CDH18: variants seen among roughly 807,000 people sequenced by gnomAD.
CDH18 encodes cadherin 18, also known as cadherin-18.
A neutral mutation model predicts 67.9 loss-of-function variants in CDH18; 31 were observed. The ratio of observed to expected loss-of-function variants is 0.46; its 90% confidence interval spans 0.34 to 0.62. The LOEUF is 0.62. CDH18 is among the 20% of genes least tolerant of loss of function. The pLI, the probability that CDH18 is intolerant of heterozygous loss-of-function variation, is 0.01. For missense variants in CDH18, 890 were observed against 975.5 expected (o/e 0.91, Z 1.17); for synonymous variants, 362 against 347.2 (o/e 1.04, Z -0.48).
chr5:20,447,378 T>TA (rs1363959860), intron 1 of CDH18, among the ~76,000 whole-genome samples: 1,611 of 137,780 alleles, frequency 0.012, 19 homozygotes, highest in African/African-American at 0.027. Flanking sequence ...AAAATCCTGA[T>TA]AAAAAAAAAA....
intron 1 of CDH18, among the ~76,000 whole-genome samples, chr5:20,505,185 T>C (rs1358857718): frequency 6.6e-6 from 1 of 152,144 alleles, no homozygotes; most frequent in African/African-American, 2.4e-5. Flanking sequence ...GTGGTATAAG[T>C]ACAGTCTGTT....
At chr5:19,847,736 TC>T (rs1783160811) in intron 2 of CDH18, among the ~76,000 whole-genome samples, 1 of 152,096 alleles carries the variant, frequency 6.6e-6, no homozygotes, top group African/African-American at 2.4e-5. Context: ...AGAAAGACTT[TC>T]TCCAACTAAA....
At chr5:20,526,591 C>T (rs1378624600) in intron 1 of CDH18, among the ~76,000 whole-genome samples, 6 of 152,066 alleles carry the variant, frequency 3.9e-5, no homozygotes, top group Admixed American at 1.3e-4. Flanking sequence ...TCTGCAGCCT[C>T]CACTGGTGAT....
chr5:20,044,426 A>C (rs2150478623), intron 2 of CDH18, among the ~76,000 whole-genome samples: 1 of 152,278 alleles, frequency 6.6e-6, no homozygotes, highest in African/African-American at 2.4e-5. Flanking sequence ...TCTCCTATAA[A>C]CATTCTAAGT....
intron 3 of CDH18, among the ~76,000 whole-genome samples, chr5:19,761,141 C>T (rs1171584998): frequency 6.6e-6 from 1 of 152,164 alleles, no homozygotes; most frequent in African/African-American, 2.4e-5. Flanking sequence ...TGCAGGTCAG[C>T]CACTCACATG....
chr5:19,702,548 C>T (rs1013050692), intron 5 of CDH18, among the ~76,000 whole-genome samples: 1 of 151,604 alleles, frequency 6.6e-6, no homozygotes, highest in Admixed American at 6.6e-5. Context: ...GGTTGATCAG[C>T]TGAGGTCAGG....
At chr5:20,183,529 A>C (rs1737861167) in intron 2 of CDH18, among the ~76,000 whole-genome samples, 3 of 152,126 alleles carry the variant, frequency 2.0e-5, no homozygotes, top group Admixed American at 2.0e-4. Context: ...TATAGCAGAA[A>C]AAAAGAAGAA....
Position 19,473,416 on chromosome 5 carries a change from C to A in CDH18, c.2183G>T (p.Ser728Ile). 3.1e-6 allele frequency: 5 copies of A among 1,613,738 alleles called. No homozygotes were observed. The highest frequency in any genetic ancestry group is 4.2e-6 in the Non-Finnish European group (5 of 1,179,814). ...CTGAAGAGAGTCATAAGGGGGAACG[C>A]TAGGGTCTAGGTCTGCTTCTGCCAG... is the stretch of plus-strand genomic sequence containing the variant. ...QRLAEADLDP[S>I]VPPYDSLQTY... The change falls in exon 13 of 13, where the codon AGC becomes ATC. Residue 728 changes from serine (S) to isoleucine (I), a missense_variant. Around this residue, in one of 2 missense-constraint regions of CDH18, gnomAD observed 656 missense variants for 668.1 expected, o/e 0.98. Coordinates refer to ENST00000382275, the MANE Select transcript of CDH18 (RefSeq NM_004934.5).
In CDH18 at chr5:20,441,129, TG is replaced by T. The variant is rs890460795; in HGVS notation, c.-580+134332del. On this transcript the variant is annotated intron_variant, in intron 1 of 14. Transcript: ENST00000507958. The stretch of plus-strand genomic sequence containing the variant: ...AGGGGCCGCCCAAGAACAGAATTTT[TG>T]TTTTTACAAAGTTGTTTGTTTCTCT... Among the ~76,000 whole-genome samples the T allele has an allele frequency of 4.4e-4, 66 of 151,504 alleles. 2 individuals carry two copies. Among genetic ancestry groups the T allele is most frequent in the African/African-American group, 1.3e-3 (55 of 41,162 alleles).
chr5:20,427,142 G>A (rs9292939), intron 1 of CDH18, among the ~76,000 whole-genome samples: 150,023 of 151,124 alleles, frequency 0.99, 74,537 homozygotes, highest in Middle Eastern at 1. Context: ...ATTACATTTC[G>A]TTTAATATTC....
At chr5:20,177,672 T>C (rs1737346579) in intron 2 of CDH18, among the ~76,000 whole-genome samples, 2 of 152,048 alleles carry the variant, frequency 1.3e-5, no homozygotes, top group Admixed American at 6.6e-5. Context: ...GGTTCGGCCA[T>C]GTCCCCACTC....
intron 2 of CDH18, among the ~76,000 whole-genome samples, chr5:20,009,393 T>G (rs563623460): frequency 6.6e-6 from 1 of 152,238 alleles, no homozygotes; most frequent in South Asian, 2.1e-4. Flanking sequence ...TGTACTATGT[T>G]TGCAGTATTT....
intron 1 of CDH18, among the ~76,000 whole-genome samples, chr5:20,327,015 C>T (rs906435386): frequency 2.6e-5 from 4 of 152,108 alleles, no homozygotes; most frequent in Admixed American, 6.5e-5. Flanking sequence ...ATTTACCACA[C>T]GGTTACATGT....
At position 20,312,834 on chromosome 5, in the gene CDH18, G is replaced by A. The variant is rs556346092; in HGVS notation, c.-579-57329C>T. 2.6e-5 allele frequency among the ~76,000 whole-genome samples: 4 copies of A among 151,976 alleles called. No individual in the cohort carries two copies. In the East Asian group the frequency reaches 7.7e-4, roughly 29 times the overall value. ...CCAAATCTGAAGGCTATTCACCATA[G>A]TTTTTCCTGTTTCTAAATTTAAGCC... On this transcript the variant is annotated intron_variant, in intron 1 of 14. Transcript: ENST00000507958.
intron 12 of CDH18, among the ~76,000 whole-genome samples, chr5:19,478,793 G>C (rs1738917509): frequency 6.6e-6 from 1 of 152,098 alleles, no homozygotes; most frequent in South Asian, 2.1e-4. Context: ...GTAAAGTTGG[G>C]AAATAAAAGT....
At chr5:19,591,365 G>A in intron 6 of CDH18, 121 bp from the exon 7 acceptor site, 1 of 533,288 alleles carries the variant, frequency 1.9e-6, no homozygotes, top group Non-Finnish European at 3.0e-6. Context: ...TGCATCAAAT[G>A]GACTTTTTTA....
At chr5:19,873,551 T>TA (rs1786569633) in intron 2 of CDH18, among the ~76,000 whole-genome samples, 1 of 152,096 alleles carries the variant, frequency 6.6e-6, no homozygotes, top group South Asian at 2.1e-4. Flanking sequence ...TAGTAGTTGA[T>TA]AAAAAACGGA....
intron 9 of CDH18, among the ~76,000 whole-genome samples, chr5:19,533,956 T>A (rs1202298012): frequency 6.6e-6 from 1 of 152,172 alleles, no homozygotes; most frequent in African/African-American, 2.4e-5. Context: ...CTGTGTAAAA[T>A]TATTTGAGTG....
chr5:19,836,771 A>G (rs911310178), intron 3 of CDH18, among the ~76,000 whole-genome samples: 4 of 152,124 alleles, frequency 2.6e-5, no homozygotes, highest in Non-Finnish European at 4.4e-5. Context: ...ATTATTGCAT[A>G]GCTTTTCTTC....
Sources: gnomAD v4.1 joint callset for allele counts (sites outside exome capture counted in the v4.1 genomes callset) on GRCh38, gnomAD v4.1.1 for gene constraint, gnomAD v4.1.1 regional missense constraint, MANE v1.5 for transcripts, NCBI Gene and HGNC (gene_info 2026-07-23, HGNC 2026-07-21) for gene names.